CEP15: variants seen among roughly 807,000 people sequenced by gnomAD.
The protein encoded by CEP15 is centrosomal protein 15.
chr3:62,332,050 T>G, the CEP15 span, among the ~76,000 whole-genome samples: 4 of 152,134 alleles, frequency 2.6e-5, no homozygotes, highest in African/African-American at 9.7e-5. Context: ...AATTTTCCCC[T>G]CAATTTTCTG....
the CEP15 span, among the ~76,000 whole-genome samples, chr3:62,324,517 A>G: frequency 6.6e-6 from 1 of 152,178 alleles, no homozygotes; most frequent in African/African-American, 2.4e-5. Context: ...TTTTAGCACT[A>G]AAACTTCTTT....
chr3:62,334,258 AT>A, the CEP15 span: 2 of 151,892 alleles, frequency 1.3e-5, no homozygotes, highest in East Asian at 1.9e-4. The surrounding 1 kb of genome is among the most constrained non-coding windows in gnomAD (Gnocchi z 4.9). Context: ...GAAAAAAAAA[AT>A]ATGTATATAT....
the CEP15 span, chr3:62,333,483 T>G: frequency 7.3e-7 from 1 of 1,366,788 alleles, no homozygotes; most frequent in African/African-American, 1.5e-5. The surrounding 1 kb of genome is among the most constrained non-coding windows in gnomAD (Gnocchi z 4.0). Flanking sequence ...TTAAATATGT[T>G]CATATTCTTC....
At chr3:62,333,153 TACACGCATACACACTCTTAAGTGAATAA>T in the CEP15 span, 1 of 973,122 alleles carries the variant, frequency 1.0e-6, no homozygotes. The surrounding 1 kb of genome is among the most constrained non-coding windows in gnomAD (Gnocchi z 4.0). Context: ...TGTGTGTGTA[TACACGCATACACACTCTTAAGTGAATAA>T]ACATTTAGAC....
At chr3:62,330,264 C>T in the CEP15 span, among the ~76,000 whole-genome samples, 2 of 152,286 alleles carry the variant, frequency 1.3e-5, no homozygotes, top group East Asian at 3.9e-4. Context: ...CCATCTCTCT[C>T]CGTCTGTCCA....
the CEP15 span, chr3:62,331,490 C>A: frequency 9.2e-7 from 1 of 1,092,258 alleles, no homozygotes; most frequent in Non-Finnish European, 1.4e-6. Flanking sequence ...TGTGTATTTT[C>A]CAGATATATT....
chr3:62,328,411 C>T, the CEP15 span, among the ~76,000 whole-genome samples: 33 of 152,108 alleles, frequency 2.2e-4, no homozygotes, highest in African/African-American at 6.3e-4. Context: ...TAGGGGTGTC[C>T]AGTCAATACT....
the CEP15 span, chr3:62,333,385 G>T: frequency 1.2e-6 from 2 of 1,609,242 alleles, no homozygotes; most frequent in African/African-American, 1.3e-5. The surrounding 1 kb of genome is among the most constrained non-coding windows in gnomAD (Gnocchi z 4.0). Flanking sequence ...GAGGCACAGC[G>T]ATAACTTCTT....
At chr3:62,328,942 C>G in the CEP15 span, among the ~76,000 whole-genome samples, 1 of 146,340 alleles carries the variant, frequency 6.8e-6, no homozygotes, top group Non-Finnish European at 1.5e-5. Flanking sequence ...ATTCACACTT[C>G]GTCCTCTATG....
At chr3:62,331,787 A>T in the CEP15 span, among the ~76,000 whole-genome samples, 1 of 152,160 alleles carries the variant, frequency 6.6e-6, no homozygotes, top group African/African-American at 2.4e-5. Context: ...CAAAAATTTA[A>T]CCATAGCTAA....
the CEP15 span, among the ~76,000 whole-genome samples, chr3:62,322,775 C>CAGT: frequency 7.2e-5 from 11 of 152,104 alleles, no homozygotes; most frequent in Admixed American, 7.2e-4. The surrounding 1 kb of genome is among the most constrained non-coding windows in gnomAD (Gnocchi z 5.5). Context: ...AGTTATAAAG[C>CAGT]AGTGTTTTCA....
chr3:62,326,532 C>T, the CEP15 span, among the ~76,000 whole-genome samples: 3 of 152,152 alleles, frequency 2.0e-5, no homozygotes, highest in Non-Finnish European at 4.4e-5. Context: ...ACTTTCTGTG[C>T]TCATATTTCA....
At chr3:62,333,255 ACTCGTTACTGGG>A in the CEP15 span, 1 of 1,605,930 alleles carries the variant, frequency 6.2e-7, no homozygotes, top group Non-Finnish European at 8.5e-7. The surrounding 1 kb of genome is among the most constrained non-coding windows in gnomAD (Gnocchi z 4.0). Flanking sequence ...TTTTTTCCAG[ACTCGTTACTGGG>A]CATCAGTAGA....
the CEP15 span, chr3:62,334,161 C>T: frequency 6.6e-6 from 1 of 151,352 alleles, no homozygotes; most frequent in Non-Finnish European, 1.5e-5. This position sits in a 1 kb window ranked among gnomAD's most constrained non-coding sequence, Gnocchi z 4.9. Context: ...CCTGAAAAAA[C>T]TGTCAGTCAG....
chr3:62,332,876 G>A, the CEP15 span, among the ~76,000 whole-genome samples: 1 of 151,878 alleles, frequency 6.6e-6, no homozygotes, highest in Non-Finnish European at 1.5e-5. Context: ...TTCAGTATGG[G>A]GTAATCATTT....
the CEP15 span, among the ~76,000 whole-genome samples, chr3:62,331,555 T>A: frequency 6.6e-6 from 1 of 152,210 alleles, no homozygotes; most frequent in East Asian, 1.9e-4. Context: ...TCCACAGTAC[T>A]GTACTTTATA....
chr3:62,323,834 A>G, the CEP15 span: 1 of 152,214 alleles, frequency 6.6e-6, no homozygotes, highest in Non-Finnish European at 1.5e-5. Context: ...ACGAAATAGC[A>G]TACCTTCCAT....
the CEP15 span, chr3:62,336,139 C>T: frequency 6.6e-6 from 1 of 152,056 alleles, no homozygotes; most frequent in African/African-American, 2.4e-5. This position sits in a 1 kb window ranked among gnomAD's most constrained non-coding sequence, Gnocchi z 4.4. Flanking sequence ...GCATTATCCC[C>T]CTTTTTCCAT....
the CEP15 span, among the ~76,000 whole-genome samples, chr3:62,326,696 G>A: frequency 6.6e-6 from 1 of 152,166 alleles, no homozygotes; most frequent in East Asian, 1.9e-4. Context: ...GAATGTACTT[G>A]CATGTGCTTA....
Sources: allele counts gnomAD v4.1 joint callset (sites outside exome capture counted in the v4.1 genomes callset), GRCh38; gene constraint gnomAD v4.1.1; non-coding constraint Gnocchi (gnomAD v3.1); transcripts MANE v1.5; gene names NCBI Gene and HGNC (gene_info 2026-07-23, HGNC 2026-07-21).